DENND2C: variants seen among roughly 807,000 people sequenced by gnomAD.
DENND2C encodes DENN domain-containing protein 2C.
Under a neutral mutation model 112.4 loss-of-function variants are expected in DENND2C, and 72 were observed. The observed-to-expected ratio is 0.64, with a 90% CI of 0.53 to 0.78. The LOEUF is 0.78. DENND2C is among the 30% of genes least tolerant of loss of function. The pLI, the probability that DENND2C is intolerant of heterozygous loss-of-function variation, is 0.00. For missense variants in DENND2C, 992 were observed against 1,113.8 expected (o/e 0.89, Z 1.56); for synonymous variants, 329 against 381.6 (o/e 0.86, Z 1.61).
chr1:114,634,471 C>G (rs796079646), intron 3 of DENND2C, among the ~76,000 whole-genome samples: 48 of 152,116 alleles, frequency 3.2e-4, no homozygotes, highest in African/African-American at 1.1e-3. Context: ...GTAGCTGGGA[C>G]TATAGACGCG....
chr1:114,596,940 T>A (rs1320576045), intron 16 of DENND2C, among the ~76,000 whole-genome samples: 1 of 151,580 alleles, frequency 6.6e-6, no homozygotes, highest in South Asian at 2.1e-4. Flanking sequence ...AAAGGCAAAA[T>A]AATGAAAGGC....
chr1:114,588,088 T>C (rs1187549129), intron 18 of DENND2C, 136 bp from the exon 19 acceptor site: 9 of 740,162 alleles, frequency 1.2e-5, no homozygotes, highest in Non-Finnish European at 1.9e-5. Flanking sequence ...GGAGTGTTCA[T>C]TCTTCACTTT....
chr1:114,653,431 A>G (rs1657223742), intron 2 of DENND2C, among the ~76,000 whole-genome samples: 1 of 152,108 alleles, frequency 6.6e-6, no homozygotes, highest in Non-Finnish European at 1.5e-5. Context: ...TTTTTATACT[A>G]TTAATATCAA....
In DENND2C at chr1:114,608,749, A is replaced by G; in HGVS notation, c.1494T>C (p.Ser498=). 6.2e-7 allele frequency: 1 copy of G among 1,614,172 alleles called. No individual in the cohort carries two copies. Among genetic ancestry groups the G allele is most frequent in the Non-Finnish European group, 8.5e-7 (1 of 1,180,034 alleles). ...QQLFELFVVV[S]LQKKPSGISY... is the part of the protein sequence containing the mutation. Reference sequence around the variant, plus strand: ...TTATTCCTGATGGTTTCTTCTGTAGAGACACCACCACAAAAAGTTCAAACA... The same window carrying G: ...TTATTCCTGATGGTTTCTTCTGTAGGGACACCACCACAAAAAGTTCAAACA... The change falls in exon 10 of 21, where the codon TCT becomes TCC. Residue 498 remains serine (S), a synonymous_variant. Coordinates refer to ENST00000393274, the MANE Select transcript of DENND2C (RefSeq NM_001256404.2).
chr1:114,667,733 C>T (rs1657684256), intron 1 of DENND2C, among the ~76,000 whole-genome samples: 1 of 152,096 alleles, frequency 6.6e-6, no homozygotes, highest in African/African-American at 2.4e-5. Context: ...GTATCTCACT[C>T]ACAGAATTTG....
At chr1:114,609,247 G>A (rs1190774716) in intron 9 of DENND2C, among the ~76,000 whole-genome samples, 3 of 152,218 alleles carry the variant, frequency 2.0e-5, no homozygotes, top group Non-Finnish European at 4.4e-5. Flanking sequence ...GCTACTGCTG[G>A]GAATGCCATG....
At chr1:114,635,527 TAGG>T (rs1169650150) in intron 3 of DENND2C, among the ~76,000 whole-genome samples, 1 of 151,772 alleles carries the variant, frequency 6.6e-6, no homozygotes, top group Non-Finnish European at 1.5e-5. Context: ...TAACAAAAAA[TAGG>T]AGAAGAAAAA....
In DENND2C at chr1:114,583,794, C is replaced by T. The variant is rs60576253; in HGVS notation, c.*1806G>A. 0.058 allele frequency: 7,019 copies of T among 120,304 alleles called. 204 individuals carry two copies. The highest frequency in any genetic ancestry group is 0.12 in the Middle Eastern group (18 of 156). The allele number at this position is 120,304 out of a possible 1,614,324, so 7.5% of individuals were successfully genotyped here. On this transcript the variant is annotated 3_prime_UTR_variant, in exon 21 of 21. Transcript: ENST00000393274. ...TGCACTCCAGCCTGGGCAAAAAGAG[C>T]GAAACTCCATCTCAAAAAAAAAAAA...
chr1:114,598,622 T>C (rs1191467504), intron 16 of DENND2C, among the ~76,000 whole-genome samples: 1 of 152,228 alleles, frequency 6.6e-6, no homozygotes, highest in Non-Finnish European at 1.5e-5. Flanking sequence ...ATGCTCATTA[T>C]GTATCTGTAC....
intron 2 of DENND2C, among the ~76,000 whole-genome samples, chr1:114,651,588 A>G (rs888049125): frequency 5.9e-5 from 9 of 151,586 alleles, no homozygotes; most frequent in East Asian, 3.9e-4. Flanking sequence ...AAAATACAAA[A>G]ATTAGCTGGG....
Position 114,611,112 on chromosome 1 carries a change from T to C in DENND2C, c.1330A>G (p.Thr444Ala), listed in dbSNP as rs1431297080. 6.2e-7 allele frequency: 1 copy of C among 1,614,124 alleles called. No homozygotes were observed. The highest frequency in any genetic ancestry group is 8.5e-7 in the Non-Finnish European group (1 of 1,179,996). ...TCGGCATCACTTTCGTTCCCACTGG[T>C]TTCACCTGAAAAGAGAGAAGGAGTT... ...GKELPPTKGE[T>A]SGNESDAEYL... Residue 444 changes from threonine to alanine, a missense_variant, in exon 9 of 21, where the codon ACC becomes GCC. Physicochemically the swap from Thr to Ala is moderately conservative, Grantham distance 58. Transcript: ENST00000393274.
intron 2 of DENND2C, among the ~76,000 whole-genome samples, chr1:114,646,028 G>A (rs1656975968): frequency 6.6e-6 from 1 of 151,828 alleles, no homozygotes; most frequent in Non-Finnish European, 1.5e-5. Context: ...CCGGGTTCAC[G>A]CCATTCTCCT....
intron 2 of DENND2C, among the ~76,000 whole-genome samples, chr1:114,651,936 G>A (rs1657177971): frequency 6.6e-6 from 1 of 151,924 alleles, no homozygotes; most frequent in East Asian, 1.9e-4. Context: ...TCCCACAGAG[G>A]GGTAGCCCAG....
intron 20 of DENND2C, among the ~76,000 whole-genome samples, 198 bp from the exon 21 acceptor site, chr1:114,585,829 G>A (rs531214487): frequency 4.6e-5 from 7 of 152,226 alleles, no homozygotes; most frequent in South Asian, 2.1e-4. Context: ...TAATTGTAGC[G>A]GCAGAAAAGA....
chr1:114,599,223 T>G, intron 16 of DENND2C, 51 bp downstream of exon 16: 1 of 1,431,894 alleles, frequency 7.0e-7, no homozygotes, highest in East Asian at 2.3e-5. Context: ...TTAAGATCAC[T>G]TATTTTTACT....
intron 8 of DENND2C, among the ~76,000 whole-genome samples, chr1:114,612,126 A>G (rs777889421): frequency 2.0e-5 from 3 of 152,212 alleles, no homozygotes; most frequent in East Asian, 1.9e-4. Context: ...AAAAAGATTT[A>G]TAAGTTGTTG....
intron 8 of DENND2C, among the ~76,000 whole-genome samples, chr1:114,611,526 T>C (rs914439986): frequency 9.9e-5 from 15 of 152,136 alleles, no homozygotes; most frequent in African/African-American, 3.6e-4. Context: ...AACCAGACTA[T>C]AAATTTAGAA....
intron 7 of DENND2C, 99 bp downstream of exon 7, chr1:114,621,795 CA>C: frequency 7.1e-7 from 1 of 1,403,060 alleles, no homozygotes; most frequent in Non-Finnish European, 9.7e-7. Flanking sequence ...CCCAGTAGGT[CA>C]GTTCTAACCT....
intron 3 of DENND2C, among the ~76,000 whole-genome samples, chr1:114,640,119 T>A (rs1381712930): frequency 1.3e-5 from 2 of 152,218 alleles, no homozygotes; most frequent in Non-Finnish European, 2.9e-5. Context: ...TCTTCCAGAT[T>A]CCAATCTACA....
Sources: allele counts gnomAD v4.1 joint callset (sites outside exome capture counted in the v4.1 genomes callset), GRCh38; gene constraint gnomAD v4.1.1; transcripts MANE v1.5; gene names NCBI Gene and HGNC (gene_info 2026-07-23, HGNC 2026-07-21).